The following DRC10 variants were observed in gnomAD, a reference collection of about 807,000 sequenced individuals.
DRC10 encodes dynein regulatory complex subunit 10, also known as IQ domain-containing protein D.
At chr12:113,199,143 G>A in the DRC10 span, among the ~76,000 whole-genome samples, 1 of 152,064 alleles carries the variant, frequency 6.6e-6, no homozygotes, top group African/African-American at 2.4e-5. Context: ...CACCACATTG[G>A]CCAGGCTGGT....
the DRC10 span, among the ~76,000 whole-genome samples, chr12:113,208,861 G>A: frequency 1.8e-4 from 27 of 152,310 alleles, no homozygotes; most frequent in Non-Finnish European, 3.4e-4. Context: ...GACAGGGACA[G>A]GGCAGAATGC....
At chr12:113,200,549 CT>C in the DRC10 span, 2 of 1,469,768 alleles carry the variant, frequency 1.4e-6, no homozygotes, top group Non-Finnish European at 1.8e-6. Flanking sequence ...CAGGGGCCCC[CT>C]CGGCCCATCC....
chr12:113,205,775 G>C, the DRC10 span, among the ~76,000 whole-genome samples: 52 of 151,490 alleles, frequency 3.4e-4, no homozygotes, highest in African/African-American at 1.1e-3. Flanking sequence ...TGTAGTCCCA[G>C]CTACTCGGGA....
At chr12:113,203,997 T>C in the DRC10 span, among the ~76,000 whole-genome samples, 3 of 152,014 alleles carry the variant, frequency 2.0e-5, no homozygotes, top group Non-Finnish European at 4.4e-5. Flanking sequence ...TCACAGCTAC[T>C]TGGGAGGCTG....
the DRC10 span, among the ~76,000 whole-genome samples, chr12:113,213,644 C>T: frequency 6.6e-6 from 1 of 152,214 alleles, no homozygotes; most frequent in Non-Finnish European, 1.5e-5. Flanking sequence ...CAGCACTATT[C>T]TGTCCAGTCT....
the DRC10 span, among the ~76,000 whole-genome samples, chr12:113,198,473 C>T: frequency 6.6e-6 from 1 of 152,112 alleles, no homozygotes; most frequent in African/African-American, 2.4e-5. Context: ...AAGCACTGAT[C>T]CATGCTACAA....
the DRC10 span, chr12:113,208,239 C>A: frequency 7.3e-3 from 11,004 of 1,514,724 alleles, 284 homozygotes; most frequent in East Asian, 0.071. Flanking sequence ...GGGTCTCGTG[C>A]TTTTATTGTC....
the DRC10 span, among the ~76,000 whole-genome samples, chr12:113,210,274 T>G: frequency 3.9e-5 from 6 of 152,210 alleles, no homozygotes; most frequent in African/African-American, 1.4e-4. Context: ...AAATCCTTGC[T>G]GGGGGTCTCT....
At chr12:113,203,417 GT>G in the DRC10 span, among the ~76,000 whole-genome samples, 1 of 152,074 alleles carries the variant, frequency 6.6e-6, no homozygotes. Context: ...GAAGCTAGGA[GT>G]TTAAGACCAG....
chr12:113,208,009 A>G, the DRC10 span: 5 of 1,614,176 alleles, frequency 3.1e-6, no homozygotes, highest in East Asian at 1.1e-4. Context: ...CAGGATGGAC[A>G]TGATCCTTTT....
At chr12:113,217,776 C>T in the DRC10 span, among the ~76,000 whole-genome samples, 1 of 152,238 alleles carries the variant, frequency 6.6e-6, no homozygotes, top group Non-Finnish European at 1.5e-5. Flanking sequence ...AAGTAATCCA[C>T]CTTCCTTGGC....
chr12:113,201,309 A>G, the DRC10 span, among the ~76,000 whole-genome samples: 8 of 152,240 alleles, frequency 5.3e-5, no homozygotes, highest in Non-Finnish European at 8.8e-5. Context: ...ACTGAGGCTC[A>G]AGGAGGTGGC....
chr12:113,218,238 G>A, the DRC10 span, among the ~76,000 whole-genome samples: 1 of 151,604 alleles, frequency 6.6e-6, no homozygotes, highest in Non-Finnish European at 1.5e-5. Context: ...CTGGGTTCAA[G>A]CGATTCTCCT....
chr12:113,207,361 A>G, the DRC10 span: 1 of 1,224,812 alleles, frequency 8.2e-7, no homozygotes, highest in Non-Finnish European at 1.2e-6. Context: ...AAAAAAATCA[A>G]TCATTGAGGA....
the DRC10 span, among the ~76,000 whole-genome samples, chr12:113,211,610 C>A: frequency 6.6e-6 from 1 of 151,652 alleles, no homozygotes; most frequent in African/African-American, 2.4e-5. Context: ...GCCTGAGCAA[C>A]AGAGTGAGAT....
chr12:113,218,942 T>G, the DRC10 span, among the ~76,000 whole-genome samples: 1 of 152,252 alleles, frequency 6.6e-6, no homozygotes, highest in Non-Finnish European at 1.5e-5. Flanking sequence ...TAAGAACATT[T>G]ATATTTAAGT....
the DRC10 span, among the ~76,000 whole-genome samples, chr12:113,202,622 C>T: frequency 6.6e-6 from 1 of 152,230 alleles, no homozygotes; most frequent in African/African-American, 2.4e-5. Flanking sequence ...GCCACCTCCA[C>T]ACGTGTCCTT....
chr12:113,208,274 A>T, the DRC10 span: 1 of 1,466,816 alleles, frequency 6.8e-7, no homozygotes, highest in Non-Finnish European at 9.0e-7. Context: ...AAAATGAAGA[A>T]GTAGGTGTGA....
the DRC10 span, chr12:113,220,967 T>TC: frequency 4.0e-5 from 14 of 353,720 alleles, no homozygotes; most frequent in African/African-American, 3.0e-4. Context: ...TCTCCCCCGA[T>TC]CCGCGACCCT....
Sources: allele counts gnomAD v4.1 joint callset (sites outside exome capture counted in the v4.1 genomes callset), GRCh38; gene constraint gnomAD v4.1.1; transcripts MANE v1.5; gene names NCBI Gene and HGNC (gene_info 2026-07-23, HGNC 2026-07-21).